NKAIN3: variants seen among roughly 807,000 people sequenced by gnomAD.
NKAIN3 encodes sodium/potassium transporting ATPase interacting 3, also known as sodium/potassium-transporting ATPase subunit beta-1-interacting protein 3.
In NKAIN3, 25 loss-of-function variants were observed where a neutral mutation model predicts 30.2. That is an observed-to-expected ratio of 0.83 (90% CI 0.60 to 1.16). The LOEUF (loss-of-function observed/expected upper bound fraction) is 1.16. Ranked by LOEUF, NKAIN3 falls within the 50% of genes most tolerant of loss-of-function variation. The pLI, the probability that NKAIN3 is intolerant of heterozygous loss-of-function variation, is 0.00. For synonymous variants in NKAIN3, 91 were observed against 89.6 expected, an observed-to-expected ratio of 1.02 and a Z score of -0.09; for missense variants, 225 against 254.1, an observed-to-expected ratio of 0.89 and a Z score of 0.78.
intron 5 of NKAIN3, among the ~76,000 whole-genome samples, chr8:62,924,265 A>T (rs1209060485): frequency 2.6e-5 from 4 of 152,110 alleles, no homozygotes; most frequent in African/African-American, 9.7e-5. Flanking sequence ...CTGAAATTTA[A>T]CCATTTTTCT....
At chr8:62,267,649 T>C (rs895746592) in intron 1 of NKAIN3, among the ~76,000 whole-genome samples, 7 of 152,328 alleles carry the variant, frequency 4.6e-5, no homozygotes, top group Middle Eastern at 3.4e-3. Flanking sequence ...TGTCCTGATA[T>C]ACACCTAACA....
At chr8:62,790,499 C>A (rs1817671253) in intron 4 of NKAIN3, among the ~76,000 whole-genome samples, 1 of 151,696 alleles carries the variant, frequency 6.6e-6, no homozygotes. Flanking sequence ...TTCTTGCTGT[C>A]TTGGTGTGAT....
intron 4 of NKAIN3, among the ~76,000 whole-genome samples, chr8:62,829,378 G>T (rs892020100): frequency 6.6e-6 from 1 of 152,092 alleles, no homozygotes; most frequent in African/African-American, 2.4e-5. Flanking sequence ...ACACTGAAAA[G>T]ATTAATTGAA....
chr8:62,268,368 G>C (rs1812670872), intron 1 of NKAIN3, among the ~76,000 whole-genome samples: 1 of 152,142 alleles, frequency 6.6e-6, no homozygotes, highest in Non-Finnish European at 1.5e-5. Context: ...TTGGGTCCCT[G>C]TCTTCCCCTG....
chr8:62,481,383 C>T (rs753426823), intron 1 of NKAIN3, among the ~76,000 whole-genome samples: 19 of 152,138 alleles, frequency 1.2e-4, no homozygotes, highest in Non-Finnish European at 2.1e-4. Flanking sequence ...CGAGAAGCCT[C>T]GAGCTGGATT....
chr8:62,681,728 A>G (rs1270395948), intron 3 of NKAIN3, among the ~76,000 whole-genome samples: 1 of 152,234 alleles, frequency 6.6e-6, no homozygotes, highest in East Asian at 1.9e-4. Flanking sequence ...TCATTAGAAT[A>G]TGACTTTATA....
intron 3 of NKAIN3, among the ~76,000 whole-genome samples, chr8:62,673,062 CA>C (rs1813359458): frequency 1.3e-5 from 2 of 152,072 alleles, no homozygotes; most frequent in African/African-American, 4.8e-5. Context: ...TACTAATGTT[CA>C]AAAAAGTCTA....
chr8:62,836,615 G>C (rs79111079), intron 4 of NKAIN3, among the ~76,000 whole-genome samples: 1,865 of 152,182 alleles, frequency 0.012, 21 homozygotes, highest in Non-Finnish European at 0.02. Context: ...TTGTCAAGTA[G>C]GTAGAATTAC....
chr8:62,885,537 G>A (rs534468515), intron 4 of NKAIN3, among the ~76,000 whole-genome samples: 1 of 152,286 alleles, frequency 6.6e-6, no homozygotes, highest in South Asian at 2.1e-4. Context: ...CGTTCTTACT[G>A]ATTTTCTGCC....
chr8:62,706,567 C>T (rs1654934670), intron 3 of NKAIN3, among the ~76,000 whole-genome samples: 1 of 152,038 alleles, frequency 6.6e-6, no homozygotes, highest in South Asian at 2.1e-4. Context: ...ATTTCCCCAT[C>T]CTTGTGGTTT....
rs181490002 is a variant in NKAIN3, at chr8:62,465,286, A to G, written c.55-114253A>G. Reference sequence around the variant, plus strand: ...ATTACTAGAATTTAACCTCCCCAAAATGATGTAATTCAACCTGACTATCCT... The same window carrying G: ...ATTACTAGAATTTAACCTCCCCAAAGTGATGTAATTCAACCTGACTATCCT... On this transcript the variant is annotated intron_variant, in intron 1 of 6. Transcript: ENST00000623646. Among the ~76,000 whole-genome samples the G allele has an allele frequency of 3.0e-4, 46 of 152,338 alleles. 1 individual carries two copies. Among genetic ancestry groups the G allele is most frequent in the African/African-American group, 1.1e-3 (45 of 41,594 alleles).
Position 62,650,648 on chromosome 8 carries a change from G to A in NKAIN3, c.273+60854G>A, listed in dbSNP as rs551600753. On this transcript the variant is annotated intron_variant, in intron 3 of 6. Coordinates refer to ENST00000623646, the MANE Select transcript of NKAIN3 (RefSeq NM_001304533.3). ...ATAACTAATTATATACCAATATACA[G>A]CATGTAGATATTGAGTCCTACATTT... Among the ~76,000 whole-genome samples the A allele has an allele frequency of 9.9e-5, 15 of 152,160 alleles. No individual in the cohort carries two copies. In the East Asian group the frequency reaches 2.9e-3, roughly 29 times the overall value.
chr8:62,524,919 A>T, intron 1 of NKAIN3, among the ~76,000 whole-genome samples: 1 of 152,120 alleles, frequency 6.6e-6, no homozygotes, highest in East Asian at 1.9e-4. Context: ...CATATTAAAG[A>T]TGTATTAATT....
At chr8:62,874,617 C>A (rs1273275282) in intron 4 of NKAIN3, among the ~76,000 whole-genome samples, 1 of 152,182 alleles carries the variant, frequency 6.6e-6, no homozygotes, top group Non-Finnish European at 1.5e-5. Flanking sequence ...ACTTATCCAC[C>A]ACCATCAAGT....
intron 1 of NKAIN3, among the ~76,000 whole-genome samples, chr8:62,570,844 C>CT (rs1809913401): frequency 6.6e-6 from 1 of 152,104 alleles, no homozygotes; most frequent in Admixed American, 6.6e-5. Context: ...TTCCACTGTT[C>CT]ACTACAGGTA....
At chr8:62,490,986 C>A (rs1411154278) in intron 1 of NKAIN3, among the ~76,000 whole-genome samples, 1 of 152,200 alleles carries the variant, frequency 6.6e-6, no homozygotes, top group Non-Finnish European at 1.5e-5. Context: ...GGATTCTCCA[C>A]ACCAGGCCCT....
In NKAIN3 at chr8:62,901,058, G is replaced by A. The variant is rs745796953; in HGVS notation, c.472-17395G>A. Among the ~76,000 whole-genome samples the A allele has an allele frequency of 9.0e-4, 137 of 152,102 alleles. 2 individuals carry two copies. Among genetic ancestry groups the A allele is most frequent in the East Asian group, 1.9e-4 (1 of 5,184 alleles). On this transcript the variant is annotated intron_variant, in intron 4 of 6. Coordinates refer to ENST00000623646, the MANE Select transcript of NKAIN3 (RefSeq NM_001304533.3). ...AGAATAGAGGTGAATTATTTCCAGC[G>A]GTCAGGAGAGAAAAGACACAAAATC...
intron 4 of NKAIN3, among the ~76,000 whole-genome samples, chr8:62,828,282 C>T (rs1819086953): frequency 6.6e-6 from 1 of 152,014 alleles, no homozygotes; most frequent in African/African-American, 2.4e-5. Context: ...AAAAGATTAT[C>T]TGAGACAGTT....
In NKAIN3 at chr8:62,590,336, G is replaced by A. The variant is rs1231179417; in HGVS notation, c.273+542G>A. 4.6e-5 allele frequency among the ~76,000 whole-genome samples: 7 copies of A among 151,958 alleles called. No homozygotes were observed. The East Asian group carries it at 1.4e-3, about 30-fold the overall frequency. ...ATTTTGAAATTTTAATCACACAGAA[G>A]ACAGTTGTCTTAATGCAGCAATGAT... is the stretch of plus-strand genomic sequence containing the variant. On this transcript the variant is annotated intron_variant, in intron 3 of 6. Coordinates refer to ENST00000623646, the MANE Select transcript of NKAIN3 (RefSeq NM_001304533.3).
Sources: gnomAD v4.1 joint callset for allele counts (sites outside exome capture counted in the v4.1 genomes callset) on GRCh38, gnomAD v4.1.1 for gene constraint, MANE v1.5 for transcripts, NCBI Gene and HGNC (gene_info 2026-07-23, HGNC 2026-07-21) for gene names.